AFM: variants seen among roughly 807,000 people sequenced by gnomAD.
AFM encodes the protein alpha-Alb.
In AFM, 82 loss-of-function variants were observed where a neutral mutation model predicts 68.7. The observed-to-expected ratio is 1.19, with a 90% CI of 1.00 to 1.43. The LOEUF is 1.43. AFM is among the 40% of genes most tolerant of loss of function. The pLI, the probability that AFM is intolerant of heterozygous loss-of-function variation, is 0.00. For synonymous variants in AFM, 250 were observed against 234.2 expected (o/e 1.07, Z -0.61); for missense variants, 772 against 701.8 (o/e 1.10, Z -1.13).
chr4:73,483,903 C>T (rs768599597), intron 1 of AFM, 38 bp from the exon 2 acceptor site: 2 of 1,465,144 alleles, frequency 1.4e-6, no homozygotes, highest in African/African-American at 1.4e-5. Flanking sequence ...TGTTAGAAAA[C>T]CATGCTATGT....
chr4:73,489,856 T>C (rs1721022802), intron 7 of AFM, among the ~76,000 whole-genome samples: 1 of 152,004 alleles, frequency 6.6e-6, no homozygotes, highest in African/African-American at 2.4e-5. Context: ...AGCATCAAAG[T>C]AGCTCATGCA....
At chr4:73,488,790 G>A (rs781089531) in intron 7 of AFM, 31 bp downstream of exon 7, 4 of 1,576,918 alleles carry the variant, frequency 2.5e-6, no homozygotes, top group Admixed American at 1.9e-5. Flanking sequence ...AGTTAAAATA[G>A]TGATTTTTGG....
intron 4 of AFM, 62 bp downstream of exon 4, chr4:73,486,135 A>G (rs893601729): frequency 7.6e-6 from 10 of 1,319,866 alleles, no homozygotes; most frequent in Non-Finnish European, 1.1e-5. Flanking sequence ...TGAATCTAAT[A>G]TCTATCTCAA....
chr4:73,487,147 C>A (rs778043982), intron 5 of AFM, 48 bp downstream of exon 5: 22 of 1,598,282 alleles, frequency 1.4e-5, no homozygotes, highest in Non-Finnish European at 1.8e-5. Flanking sequence ...TCACTCAATA[C>A]CACAGATCCA....
intron 13 of AFM, among the ~76,000 whole-genome samples, 199 bp downstream of exon 13, chr4:73,502,118 G>A (rs557755314): frequency 2.0e-5 from 3 of 152,240 alleles, no homozygotes; most frequent in African/African-American, 4.8e-5. Context: ...AAAAGCTGTC[G>A]GAAGACCTGG....
Position 73,497,760 on chromosome 4 carries a change from T to C in AFM, c.1289+11T>C. On this transcript the variant is annotated intron_variant, in intron 10 of 14. Coordinates refer to ENST00000226355, the MANE Select transcript of AFM (RefSeq NM_001133.2). ...TGGTTTGAAATACCAGTATGTTGTT[T>C]GCACAAGTGGGCTAACACTTGCCAC... 1.3e-6 allele frequency: 2 copies of C among 1,527,742 alleles called. No individual in the cohort carries two copies. Among genetic ancestry groups the C allele is most frequent in the Non-Finnish European group, 9.0e-7 (1 of 1,109,062 alleles). 94.6% of individuals were successfully genotyped at this position (1,527,742 alleles called of 1,614,324 possible).
intron 1 of AFM, 107 bp downstream of exon 1, chr4:73,481,970 C>A: frequency 1.3e-6 from 1 of 785,924 alleles, no homozygotes; most frequent in Non-Finnish European, 2.1e-6. Flanking sequence ...TTTTTTCACC[C>A]TCTCACTAAT....
intron 4 of AFM, among the ~76,000 whole-genome samples, chr4:73,486,626 GC>G (rs1271674110): frequency 6.6e-6 from 1 of 152,202 alleles, no homozygotes; most frequent in African/African-American, 2.4e-5. Flanking sequence ...CTGCTGACCA[GC>G]TGGTAGCATG....
intron 3 of AFM, 43 bp downstream of exon 3, chr4:73,484,433 T>C (rs1313250916): frequency 7.0e-6 from 9 of 1,286,134 alleles, no homozygotes; most frequent in Non-Finnish European, 8.2e-6. Context: ...ATCTTATGTC[T>C]TTCTTTCTCT....
chr4:73,499,089 A>G (rs774818419), intron 10 of AFM, 25 bp from the exon 11 acceptor site: 19 of 1,605,930 alleles, frequency 1.2e-5, no homozygotes, highest in East Asian at 2.2e-5. Flanking sequence ...TTCATTCAGA[A>G]CCAAACAGAC....
At position 73,484,176 on chromosome 4, in the gene AFM, C is replaced by T. The variant is rs151097541; in HGVS notation, c.138-82C>T. 1.0e-3 allele frequency: 1,570 copies of T among 1,501,142 alleles called. 3 individuals carry two copies. The highest frequency in any genetic ancestry group is 2.1e-3 in the South Asian group (143 of 69,038). 93.0% of individuals were successfully genotyped at this position (1,501,142 alleles called of 1,614,324 possible). On this transcript the variant is annotated intron_variant, in intron 2 of 14. Transcript: ENST00000226355. ...CAATAGATAATTTCCTGAGGCTAGT[C>T]AGGATGTTCCTGTGACTTTTTCTTG...
chr4:73,481,906 G>C (rs1163778194), intron 1 of AFM, 43 bp downstream of exon 1: 1 of 1,318,594 alleles, frequency 7.6e-7, no homozygotes. Flanking sequence ...TGACCAGTTA[G>C]GATAATTTCT....
intron 14 of AFM, 26 bp downstream of exon 14, chr4:73,503,136 G>A: frequency 6.5e-7 from 1 of 1,534,670 alleles, no homozygotes; most frequent in Non-Finnish European, 9.0e-7. Flanking sequence ...TCATTCAAAT[G>A]TCAAATGTAT....
In AFM at chr4:73,501,751, C is replaced by T. The variant is rs773293743; in HGVS notation, c.1647-36C>T. The T allele has an allele frequency of 1.2e-5, 19 of 1,593,056 alleles. No homozygotes were observed. The East Asian group carries it at 1.4e-4, about 11-fold the overall frequency. Reference sequence around the variant, plus strand: ...GAGTAGAGACGCTTCAGAAAGAAAGCGTTAATTAATTTTATTTGACATCTT... The same window carrying T: ...GAGTAGAGACGCTTCAGAAAGAAAGTGTTAATTAATTTTATTTGACATCTT... On this transcript the variant is annotated intron_variant, in intron 12 of 14. Transcript: ENST00000226355.
intron 12 of AFM, among the ~76,000 whole-genome samples, chr4:73,501,029 G>A (rs890012155): frequency 2.0e-5 from 3 of 151,872 alleles, no homozygotes; most frequent in Non-Finnish European, 4.4e-5. Context: ...TTCCTCTTTG[G>A]TGCATTAAAA....
chr4:73,495,341 TA>T lies in AFM; in HGVS notation c.1101del (p.Pro368GlnfsTer4). 3 of 1,612,786 alleles carry T rather than the reference TA, an allele frequency of 1.9e-6. No individual in the cohort carries two copies. Among genetic ancestry groups the T allele is most frequent in the Non-Finnish European group, 2.5e-6 (3 of 1,179,630 alleles). On this transcript the variant is annotated frameshift_variant, in exon 9 of 15. Transcript: ENST00000226355. LOFTEE classifies it high-confidence loss of function. ...TCAAGGAGACATCCAGACCTGTCTA[TA>T]CCAGAGCTTTTAAGAATTGTTCAAA... is the stretch of plus-strand genomic sequence containing the variant. ...EYSRRHPDLS[I>X]PELLRIVQIY...
intron 4 of AFM, among the ~76,000 whole-genome samples, chr4:73,486,311 T>C (rs1720901427): frequency 6.6e-6 from 1 of 152,186 alleles, no homozygotes; most frequent in Non-Finnish European, 1.5e-5. Context: ...AATTGGTAAG[T>C]CCTAGAGCAG....
chr4:73,499,055 T>C (rs1193841516), intron 10 of AFM, 59 bp from the exon 11 acceptor site: 6 of 1,565,542 alleles, frequency 3.8e-6, no homozygotes, highest in Non-Finnish European at 5.2e-6. Context: ...TCAGCAGTAA[T>C]TCAAGGGAAA....
chr4:73,492,805 A>G (rs1721114258), intron 8 of AFM, among the ~76,000 whole-genome samples: 1 of 151,000 alleles, frequency 6.6e-6, no homozygotes, highest in East Asian at 1.9e-4. Flanking sequence ...AAAAAAAAAA[A>G]AAAAAGAATA....
Sources: gnomAD v4.1 joint callset for allele counts (sites outside exome capture counted in the v4.1 genomes callset) on GRCh38, gnomAD v4.1.1 for gene constraint, MANE v1.5 for transcripts, NCBI Gene and HGNC (gene_info 2026-07-23, HGNC 2026-07-21) for gene names.